N4BP2L2: variants seen among roughly 807,000 people sequenced by gnomAD.
The protein encoded by N4BP2L2 is NEDD4 binding protein 2 like 2, also known as NEDD4-binding protein 2-like 2.
N4BP2L2 carries 50 observed loss-of-function variants against 56.2 expected under a neutral mutation model. That is an observed-to-expected ratio of 0.89 (90% CI 0.71 to 1.13). The LOEUF (loss-of-function observed/expected upper bound fraction) is 1.13, where lower values mean the gene tolerates loss of function less well. Among genes scored for constraint, N4BP2L2 ranks in the 50% most tolerant of loss-of-function variants. N4BP2L2 has a pLI of 0.00. For missense variants in N4BP2L2, 689 were observed against 693.8 expected (o/e 0.99, Z 0.08); for synonymous variants, 203 against 223.6 (o/e 0.91, Z 0.82).
At chr13:32,506,939 C>T (rs1354833500), downstream of N4BP2L2, 1 of 137,910 alleles carries the variant, frequency 7.3e-6, no homozygotes, top group Non-Finnish European at 1.7e-5. Flanking sequence ...AAAGATCACT[C>T]TGACAGAGAG....
At chr13:32,519,244 CAAAAAAAA>C (rs568918720) in intron 5 of N4BP2L2, among the ~76,000 whole-genome samples, 10 of 113,362 alleles carry the variant, frequency 8.8e-5, no homozygotes, top group African/African-American at 2.8e-4. Flanking sequence ...CCGTCTCTAC[CAAAAAAAA>C]AAAAAAAAAA....
At position 32,464,055 on chromosome 13, in the gene N4BP2L2, T is replaced by C. The variant is rs962278386; in HGVS notation, c.366-19929A>G. On this transcript the variant is annotated intron_variant, in intron 6 of 9. Coordinates refer to the N4BP2L2 transcript ENST00000357505. ...AAGACTAACAGCAAAGGAAACTACA[T>C]AGGTAAATATAAAAGTCAATATATG... 3.3e-5 allele frequency among the ~76,000 whole-genome samples: 5 copies of C among 150,630 alleles called. No homozygotes were observed. In the East Asian group the frequency reaches 5.9e-4, roughly 18 times the overall value.
chr13:32,531,253 T>G (rs1283579584), intron 2 of N4BP2L2, among the ~76,000 whole-genome samples: 1 of 152,232 alleles, frequency 6.6e-6, no homozygotes, highest in Non-Finnish European at 1.5e-5. Flanking sequence ...AGGCAATATA[T>G]GTTTGTTGCT....
In N4BP2L2 at chr13:32,489,344, G is replaced by T. The variant is rs538925464; in HGVS notation, c.365+28513C>A. Among the ~76,000 whole-genome samples, 3 of 152,262 alleles carry T rather than the reference G, an allele frequency of 2.0e-5. No individual in the cohort carries two copies. In the South Asian group the frequency reaches 6.2e-4, roughly 32 times the overall value. On this transcript the variant is annotated intron_variant, in intron 6 of 9. Coordinates refer to the N4BP2L2 transcript ENST00000357505. ...TAATAGTGCTTTAAAGTTAACTATT[G>T]CCAGTAATAACAATAACAACTGCTA...
At chr13:32,446,287 G>A (rs1000109786) in intron 6 of N4BP2L2, 2 of 1,042,770 alleles carry the variant, frequency 1.9e-6, no homozygotes, top group Non-Finnish European at 1.3e-6. Flanking sequence ...GTTGTGATGG[G>A]GCCTCTATAA....
intron 6 of N4BP2L2, among the ~76,000 whole-genome samples, chr13:32,470,719 C>T (rs1010222147): frequency 2.6e-5 from 4 of 152,180 alleles, no homozygotes; most frequent in Non-Finnish European, 5.9e-5. Flanking sequence ...AATGGGATGG[C>T]GTAGATATCC....
chr13:32,447,207 T>C (rs2077174645), intron 6 of N4BP2L2, among the ~76,000 whole-genome samples: 1 of 152,232 alleles, frequency 6.6e-6, no homozygotes, highest in Admixed American at 6.5e-5. Flanking sequence ...TTGACACTTT[T>C]CTTCTGTTGC....
chr13:32,477,297 CA>C, intron 6 of N4BP2L2: 1 of 221,388 alleles, frequency 4.5e-6, no homozygotes. Flanking sequence ...CCATTTGCTG[CA>C]AAAACTTCAT....
chr13:32,482,067 A>G (rs2084871958), intron 6 of N4BP2L2, among the ~76,000 whole-genome samples: 8 of 152,208 alleles, frequency 5.3e-5, no homozygotes, highest in Admixed American at 5.2e-4. Flanking sequence ...GAATAAATGA[A>G]CACCATTGGC....
Position 32,465,934 on chromosome 13 carries a change from G to A in N4BP2L2, c.366-21808C>T, listed in dbSNP as rs903309911. On this transcript the variant is annotated intron_variant, in intron 6 of 9. Coordinates refer to the N4BP2L2 transcript ENST00000357505. ...CCCAAAGTGTTGGGATTATAGGCGT[G>A]AGCCACCACGCCTGGCCTAGTTTTG... Among the ~76,000 whole-genome samples the A allele has an allele frequency of 2.8e-4, 43 of 152,286 alleles. 2 individuals are homozygous for A. The highest frequency in any genetic ancestry group is 1.5e-4 in the Non-Finnish European group (10 of 68,022).
intron 2 of N4BP2L2, 110 bp downstream of exon 2, chr13:32,535,659 C>T: frequency 1.7e-6 from 2 of 1,204,424 alleles, no homozygotes; most frequent in Non-Finnish European, 2.3e-6. Flanking sequence ...CCACCCTGGC[C>T]TCCCAAAGTG....
At chr13:32,465,427 T>C (rs73447329) in intron 6 of N4BP2L2, among the ~76,000 whole-genome samples, 1,753 of 152,326 alleles carry the variant, frequency 0.012, 42 homozygotes, top group African/African-American at 0.039. Flanking sequence ...TAAATCCATA[T>C]TGATGGACCC....
At chr13:32,460,716 A>G (rs1477929398) in intron 6 of N4BP2L2, among the ~76,000 whole-genome samples, 3 of 152,198 alleles carry the variant, frequency 2.0e-5, no homozygotes, top group Non-Finnish European at 4.4e-5. Flanking sequence ...CATTTTTCAA[A>G]GAAATAGAAA....
intron 6 of N4BP2L2, among the ~76,000 whole-genome samples, chr13:32,448,351 T>A (rs950595943): frequency 1.1e-4 from 17 of 152,226 alleles, no homozygotes; most frequent in Middle Eastern, 3.4e-3. Flanking sequence ...TGCTGATTCA[T>A]TTAGGAATGA....
At chr13:32,451,442 GATTA>G (rs2077998179) in intron 6 of N4BP2L2, among the ~76,000 whole-genome samples, 1 of 151,798 alleles carries the variant, frequency 6.6e-6, no homozygotes, top group South Asian at 2.1e-4. Context: ...AAAGATAAAA[GATTA>G]ATTATATGAA....
rs542881671 is a variant in N4BP2L2 at position 32,496,034 on chromosome 13, T to C, written c.365+21823A>G. Reference sequence around the variant, plus strand: ...CTACTCACCACTGATTCCCCAGAGTTGCCTTCATGTGGTTGGTTACCTGTG... The same window carrying C: ...CTACTCACCACTGATTCCCCAGAGTCGCCTTCATGTGGTTGGTTACCTGTG... On this transcript the variant is annotated intron_variant, in intron 6 of 9. Transcript: ENST00000357505. Among the ~76,000 whole-genome samples the C allele has an allele frequency of 1.2e-4, 18 of 152,256 alleles. No homozygotes were observed. In the South Asian group the frequency reaches 3.5e-3, roughly 30 times the overall value.
intron 6 of N4BP2L2, among the ~76,000 whole-genome samples, chr13:32,492,908 GCTTTTCTGT>G (rs2087504428): frequency 7.4e-6 from 1 of 135,596 alleles, no homozygotes; most frequent in Non-Finnish European, 1.5e-5. Flanking sequence ...ATGTTTTGTA[GCTTTTCTGT>G]TTTTTTTTTT....
intron 6 of N4BP2L2, among the ~76,000 whole-genome samples, chr13:32,470,208 A>G (rs7139407): frequency 2.0e-4 from 30 of 152,280 alleles, no homozygotes; most frequent in African/African-American, 6.3e-4. Context: ...CCGCTTGACA[A>G]TGGAACTGGG....
chr13:32,514,228 A>G (rs1010216935), exon 6 of N4BP2L2: 2 of 152,170 alleles, frequency 1.3e-5, no homozygotes, highest in Admixed American at 1.3e-4. Context: ...GAAAATAAAG[A>G]TTACCTGGTT....
Sources: allele counts gnomAD v4.1 joint callset (sites outside exome capture counted in the v4.1 genomes callset), GRCh38; gene constraint gnomAD v4.1.1; transcripts MANE v1.5; gene names NCBI Gene and HGNC (gene_info 2026-07-23, HGNC 2026-07-21).